SORBS2: variants seen among roughly 807,000 people sequenced by gnomAD.
SORBS2 encodes sorbin and SH3 domain-containing protein 2.
Under a neutral mutation model 97.7 loss-of-function variants are expected in SORBS2, and 46 were observed. That is an observed-to-expected ratio of 0.47 (90% confidence interval 0.37 to 0.60). The LOEUF (loss-of-function observed/expected upper bound fraction) is 0.60, where lower values mean the gene tolerates loss of function less well. SORBS2 is among the 20% of genes least tolerant of loss of function. The probability of loss-of-function intolerance (pLI) is 0.00; values close to 1 mark genes in which losing one functional copy is unlikely to be tolerated. For synonymous variants in SORBS2, 476 were observed against 473.4 expected (o/e 1.01, Z -0.07); for missense variants, 1,316 against 1,282.3 (o/e 1.03, Z -0.40).
intron 1 of SORBS2, among the ~76,000 whole-genome samples, chr4:185,815,537 A>C (rs535331804): frequency 6.6e-6 from 1 of 152,306 alleles, no homozygotes; most frequent in African/African-American, 2.4e-5. Context: ...AGAATACCAC[A>C]CCATAATATG....
intron 1 of SORBS2, chr4:185,918,619 C>G (rs2099259460): frequency 6.6e-6 from 1 of 152,238 alleles, no homozygotes; most frequent in Non-Finnish European, 1.5e-5. Flanking sequence ...GCCCCCATGG[C>G]TCATATTAGA....
At chr4:185,763,112 C>G (rs2098911938) in intron 2 of SORBS2, among the ~76,000 whole-genome samples, 1 of 152,234 alleles carries the variant, frequency 6.6e-6, no homozygotes, top group South Asian at 2.1e-4. Context: ...TCACTTGAAC[C>G]CGGGAGGCGG....
chr4:185,598,207 C>T (rs2096162981), intron 12 of SORBS2, among the ~76,000 whole-genome samples: 1 of 151,776 alleles, frequency 6.6e-6, no homozygotes, highest in Admixed American at 6.6e-5. Context: ...GCTTATATTT[C>T]CTTGATGAAT....
intron 4 of SORBS2, among the ~76,000 whole-genome samples, chr4:185,677,881 C>T (rs1344690315): frequency 1.3e-5 from 2 of 152,074 alleles, no homozygotes; most frequent in Non-Finnish European, 2.9e-5. Flanking sequence ...CCAGAGAATA[C>T]ATTATAACAT....
chr4:185,788,199 C>A (rs73873381), intron 1 of SORBS2, among the ~76,000 whole-genome samples: 1 of 152,120 alleles, frequency 6.6e-6, no homozygotes. Context: ...TAATGCTGTT[C>A]GCAATCGTAG....
chr4:185,735,814 C>T (rs914736397), intron 2 of SORBS2, among the ~76,000 whole-genome samples: 2 of 151,972 alleles, frequency 1.3e-5, no homozygotes, highest in African/African-American at 4.8e-5. Flanking sequence ...TGAAGTTTAC[C>T]TTATTTAACC....
chr4:185,858,760 C>T (rs2099222073), intron 1 of SORBS2, among the ~76,000 whole-genome samples: 2 of 152,182 alleles, frequency 1.3e-5, no homozygotes, highest in Admixed American at 6.5e-5. Context: ...GCTTCATGAA[C>T]ATTATCTTTG....
intron 12 of SORBS2, among the ~76,000 whole-genome samples, chr4:185,608,048 C>G (rs1460937783): frequency 6.6e-6 from 1 of 152,078 alleles, no homozygotes; most frequent in Non-Finnish European, 1.5e-5. Context: ...TTACAGGTTT[C>G]CAGATACTGA....
intron 1 of SORBS2, among the ~76,000 whole-genome samples, chr4:185,951,205 C>T (rs777256492): frequency 6.6e-6 from 1 of 152,236 alleles, no homozygotes; most frequent in Non-Finnish European, 1.5e-5. Flanking sequence ...ACTTCAGGCA[C>T]ATCAGGGAAA....
intron 1 of SORBS2, among the ~76,000 whole-genome samples, chr4:185,904,772 C>T (rs1021850040): frequency 3.3e-5 from 5 of 152,062 alleles, no homozygotes; most frequent in African/African-American, 9.7e-5. Flanking sequence ...GGACATCAAA[C>T]GAGACTGAAC....
rs534279755 is a variant in SORBS2, at chr4:185,730,038, C to T, written c.-198+45189G>A. Among the ~76,000 whole-genome samples the T allele has an allele frequency of 1.4e-3, 216 of 152,128 alleles. 2 individuals are homozygous for T. Among genetic ancestry groups the T allele is most frequent in the East Asian group, 0.011 (56 of 5,176 alleles). Reference sequence around the variant, plus strand: ...AGCCATCTCGGCTCACTGCAAGCTCCGCCTCCCGGGTTCACGCCATTCTCC... The same window carrying T: ...AGCCATCTCGGCTCACTGCAAGCTCTGCCTCCCGGGTTCACGCCATTCTCC... On this transcript the variant is annotated intron_variant, in intron 2 of 20. Coordinates refer to the SORBS2 transcript ENST00000284776.
intron 1 of SORBS2, among the ~76,000 whole-genome samples, chr4:185,656,354 C>T (rs1320600072): frequency 1.3e-5 from 2 of 152,040 alleles, no homozygotes; most frequent in African/African-American, 2.4e-5. Context: ...CACATAATCC[C>T]CATATAAGAA....
At chr4:185,916,877 C>A (rs11727879) in intron 1 of SORBS2, among the ~76,000 whole-genome samples, 1 of 152,104 alleles carries the variant, frequency 6.6e-6, no homozygotes, top group Admixed American at 6.5e-5. Flanking sequence ...GCTGTCTTTT[C>A]GTATGCTAAT....
At chr4:185,757,082 T>C (rs2098836102) in intron 2 of SORBS2, 1 of 646,706 alleles carries the variant, frequency 1.5e-6, no homozygotes, top group East Asian at 3.2e-5. Context: ...TTTGGGATGG[T>C]TTTCCTGTCG....
At chr4:185,779,181 T>C (rs1440225874) in intron 1 of SORBS2, among the ~76,000 whole-genome samples, 2 of 66,334 alleles carry the variant, frequency 3.0e-5, no homozygotes, top group Admixed American at 3.8e-4. Context: ...TAAAAGTGCA[T>C]AATACTTAAG....
chr4:185,657,255 A>G, upstream of SORBS2: 1 of 529,398 alleles, frequency 1.9e-6, no homozygotes, highest in African/African-American at 2.0e-5. Flanking sequence ...TCTCCCATCA[A>G]CAGCTTTCTT....
At chr4:185,908,578 G>A (rs1315215948) in intron 1 of SORBS2, among the ~76,000 whole-genome samples, 1 of 151,770 alleles carries the variant, frequency 6.6e-6, no homozygotes, top group African/African-American at 2.4e-5. Flanking sequence ...ACTCAGAGAA[G>A]CGCTCAAAGG....
At position 185,709,320 on chromosome 4, in the gene SORBS2, T is replaced by TTTTTTTTTTTTTTTTTTTTTC. The variant is rs1181008953; in HGVS notation, c.-197-30499_-197-30498insGAAAAAAAAAAAAAAAAAAAA. Among the ~76,000 whole-genome samples, 5 of 141,040 alleles carry TTTTTTTTTTTTTTTTTTTTTC rather than the reference T, an allele frequency of 3.5e-5. 1 individual carries two copies. The highest frequency in any genetic ancestry group is 1.4e-4 in the Admixed American group (2 of 14,228). The allele number at this position is 141,040 out of a possible 152,430, so 92.5% of individuals were successfully genotyped here. On this transcript the variant is annotated intron_variant, in intron 2 of 20. Coordinates refer to the SORBS2 transcript ENST00000284776. The stretch of plus-strand genomic sequence containing the variant: ...TGGCCAAATCTTTTTTTTTTTTTTT[T>TTTTTTTTTTTTTTTTTTTTTC]TTTTAGTAAAAGGAAACTAAAGTTA...
intron 1 of SORBS2, among the ~76,000 whole-genome samples, chr4:185,797,504 A>G (rs1466522495): frequency 6.6e-6 from 1 of 152,124 alleles, no homozygotes; most frequent in Non-Finnish European, 1.5e-5. Context: ...ACTTAACATG[A>G]TGATGATCCT....
Sources: allele counts gnomAD v4.1 joint callset (sites outside exome capture counted in the v4.1 genomes callset), GRCh38; gene constraint gnomAD v4.1.1; transcripts MANE v1.5; gene names NCBI Gene and HGNC (gene_info 2026-07-23, HGNC 2026-07-21).